Variants in RASGRP1 observed in about 807,000 individuals in gnomAD.
The protein encoded by RASGRP1 is RAS guanyl-releasing protein 1.
In RASGRP1, 37 loss-of-function variants were observed where a neutral mutation model predicts 95.1. The observed-to-expected ratio is 0.39, with a 90% confidence interval of 0.30 to 0.51. The LOEUF (loss-of-function observed/expected upper bound fraction) is 0.51. Ranked by LOEUF, RASGRP1 falls within the 20% of genes least tolerant of loss-of-function variation. RASGRP1 has a pLI of 0.80. For synonymous variants in RASGRP1, 325 were observed against 353.4 expected (o/e 0.92, Z 0.90); for missense variants, 711 against 965.4 (o/e 0.74, Z 3.49).
intron 2 of RASGRP1, among the ~76,000 whole-genome samples, chr15:38,531,254 G>A (rs1219408050): frequency 6.6e-6 from 1 of 152,172 alleles, no homozygotes; most frequent in Non-Finnish European, 1.5e-5. Context: ...GGAGGAGCTG[G>A]GACCTGGCCC....
intron 2 of RASGRP1, among the ~76,000 whole-genome samples, chr15:38,542,341 A>G (rs1056817838): frequency 6.6e-6 from 1 of 152,094 alleles, no homozygotes; most frequent in Non-Finnish European, 1.5e-5. Context: ...TGACTGGCCT[A>G]AACAAAACAA....
intron 9 of RASGRP1, among the ~76,000 whole-genome samples, chr15:38,507,086 G>A (rs183603229): frequency 1.3e-5 from 2 of 152,288 alleles, no homozygotes; most frequent in East Asian, 1.9e-4. Context: ...AGAGAAGTTC[G>A]AAGTCATCCC....
chr15:38,519,983 A>T (rs1293115574), intron 3 of RASGRP1, among the ~76,000 whole-genome samples: 1 of 152,236 alleles, frequency 6.6e-6, no homozygotes, highest in Non-Finnish European at 1.5e-5. Context: ...GAATAATCGA[A>T]AACAAAACTG....
intron 3 of RASGRP1, 59 bp downstream of exon 3, chr15:38,526,240 C>G: frequency 7.4e-7 from 1 of 1,342,962 alleles, no homozygotes; most frequent in South Asian, 1.2e-5. Flanking sequence ...CTTCAAATTT[C>G]AAGCTACTTT....
chr15:38,553,966 G>C (rs1566937981), intron 2 of RASGRP1, among the ~76,000 whole-genome samples: 1 of 152,160 alleles, frequency 6.6e-6, no homozygotes, highest in Non-Finnish European at 1.5e-5. Context: ...AAAATGATCT[G>C]GGATGTTCAG....
chr15:38,536,822 A>G (rs1470941428), intron 2 of RASGRP1, among the ~76,000 whole-genome samples: 3 of 152,250 alleles, frequency 2.0e-5, no homozygotes, highest in Non-Finnish European at 4.4e-5. Context: ...GTACAAAAAA[A>G]CATCACATCA....
intron 2 of RASGRP1, among the ~76,000 whole-genome samples, chr15:38,536,656 A>T (rs1035057212): frequency 6.6e-6 from 1 of 152,222 alleles, no homozygotes; most frequent in African/African-American, 2.4e-5. Context: ...AGCCTAGATA[A>T]TAGATAACCT....
intron 8 of RASGRP1, among the ~76,000 whole-genome samples, chr15:38,509,312 C>G (rs938103764): frequency 6.6e-6 from 1 of 152,144 alleles, no homozygotes. Context: ...ACTGCAATAC[C>G]ATGACAGTCA....
chr15:38,540,507 G>T (rs191022859), intron 2 of RASGRP1, among the ~76,000 whole-genome samples: 1 of 152,294 alleles, frequency 6.6e-6, no homozygotes, highest in Admixed American at 6.5e-5. Context: ...CAGACCTGAG[G>T]GCATGTGGGA....
chr15:38,501,856 T>TG, intron 12 of RASGRP1, among the ~76,000 whole-genome samples: 2 of 146,418 alleles, frequency 1.4e-5, no homozygotes, highest in Admixed American at 1.4e-4. Context: ...ATTCAGTTTT[T>TG]GTTTTTTTTT....
chr15:38,549,280 G>A (rs888541140), intron 2 of RASGRP1, among the ~76,000 whole-genome samples: 3 of 152,192 alleles, frequency 2.0e-5, no homozygotes, highest in Non-Finnish European at 4.4e-5. Flanking sequence ...TATGCATTTG[G>A]CATTTAATAA....
At chr15:38,513,176 C>T (rs140224790) in intron 6 of RASGRP1, among the ~76,000 whole-genome samples, 13 of 152,220 alleles carry the variant, frequency 8.5e-5, no homozygotes, top group East Asian at 1.9e-4. Context: ...TTCTCTACAT[C>T]GAAAGTTATT....
At position 38,494,652 on chromosome 15, in the gene RASGRP1, C is replaced by T. The variant is rs757766002; in HGVS notation, c.1989G>A (p.Arg663=). 1 of 1,549,052 alleles carries T rather than the reference C, an allele frequency of 6.5e-7. No homozygotes were observed. Among genetic ancestry groups the T allele is most frequent in the Non-Finnish European group, 8.7e-7 (1 of 1,153,710 alleles). The change falls in exon 16 of 17, where the codon CGG becomes CGA. Residue 663 remains arginine (R), a synonymous_variant. Transcript: ENST00000310803. The part of the protein sequence containing the change: ...MGVSSQKISL[R]LKRAVAHKAT... ...CCTTGTGGGCAACAGCCCTCTTCAG[C>T]CGAAGAGAAATCTTCTGTGAGGACA... is the stretch of plus-strand genomic sequence containing the variant.
intron 2 of RASGRP1, among the ~76,000 whole-genome samples, chr15:38,551,815 A>G (rs906107931): frequency 3.9e-5 from 6 of 152,206 alleles, no homozygotes; most frequent in African/African-American, 1.4e-4. Context: ...GCAGCAAGTG[A>G]TAAATAGGCA....
At chr15:38,515,787 C>G (rs4363831) in intron 6 of RASGRP1, among the ~76,000 whole-genome samples, 36,627 of 146,726 alleles carry the variant, frequency 0.25, 5,056 homozygotes, top group East Asian at 0.52. Flanking sequence ...CACCCCCCCC[C>G]CTTTTTTTTT....
chr15:38,490,428 A>T lies in RASGRP1; in HGVS notation c.*126T>A, dbSNP rs1890527278. On this transcript the variant is annotated 3_prime_UTR_variant, in exon 17 of 17. Transcript: ENST00000310803. The stretch of plus-strand genomic sequence containing the variant: ...GAATCTTTTAGGTAAATAAACAGTA[A>T]CAGGCTTTTCCTTTTAAAGTACTGT... 2.1e-6 allele frequency: 2 copies of T among 968,912 alleles called. No homozygotes were observed. Among genetic ancestry groups the T allele is most frequent in the Non-Finnish European group, 2.8e-6 (2 of 710,706 alleles). The allele number at this position is 968,912 out of a possible 1,614,324, so 60.0% of individuals were successfully genotyped here. A position where few individuals can be genotyped will look rare whatever the true frequency, so the allele number is the denominator to read the frequency against.
At chr15:38,519,249 T>G (rs1891904077) in intron 4 of RASGRP1, 60 bp downstream of exon 4, 1 of 1,413,088 alleles carries the variant, frequency 7.1e-7, no homozygotes, top group Admixed American at 1.7e-5. Flanking sequence ...GAAAGTCCCT[T>G]GCTTCACCTT....
At chr15:38,545,820 A>G (rs1893083891) in intron 2 of RASGRP1, among the ~76,000 whole-genome samples, 1 of 152,210 alleles carries the variant, frequency 6.6e-6, no homozygotes, top group Non-Finnish European at 1.5e-5. Flanking sequence ...GAAATACTCC[A>G]TATTATTTCT....
intron 2 of RASGRP1, among the ~76,000 whole-genome samples, chr15:38,551,537 G>T (rs1483472057): frequency 6.6e-6 from 1 of 152,142 alleles, no homozygotes; most frequent in African/African-American, 2.4e-5. Flanking sequence ...TATACACTGG[G>T]TTAAGTAAAA....
Sources: allele counts gnomAD v4.1 joint callset (sites outside exome capture counted in the v4.1 genomes callset), GRCh38; gene constraint gnomAD v4.1.1; transcripts MANE v1.5; gene names NCBI Gene and HGNC (gene_info 2026-07-23, HGNC 2026-07-21).